Variants in COL16A1 observed in about 807,000 individuals in gnomAD.
The protein encoded by COL16A1 is collagen alpha-1(XVI) chain.
In COL16A1, 189 loss-of-function variants were observed where a neutral mutation model predicts 266.3. The ratio of observed to expected loss-of-function variants is 0.71; its 90% CI spans 0.63 to 0.80. The LOEUF (loss-of-function observed/expected upper bound fraction) is 0.80. Ranked by LOEUF, COL16A1 falls within the 30% of genes least tolerant of loss-of-function variation. The pLI is 0.00. For synonymous variants in COL16A1, 740 were observed against 782.3 expected, an observed-to-expected ratio of 0.95 and a Z score of 0.90; for missense variants, 1,928 against 2,122.4, an observed-to-expected ratio of 0.91 and a Z score of 1.80.
rs1641761840 is a variant in COL16A1 at position 31,662,481 on chromosome 1, CCT to C, written c.3628-96_3628-95del. 5.8e-6 allele frequency: 9 copies of C among 1,559,728 alleles called. No homozygotes were observed. The South Asian group carries it at 5.9e-5, about 10-fold the overall frequency. Reference sequence around the variant, plus strand: ...ACCCCTCAATTCTCTCCACCCCTCCCCTGACTCCCACCTCAGCACACACACAC... The same window carrying C: ...ACCCCTCAATTCTCTCCACCCCTCCCGACTCCCACCTCAGCACACACACAC... On this transcript the variant is annotated intron_variant, in intron 57 of 70. Transcript: ENST00000373672.
In COL16A1 at chr1:31,652,486, A is replaced by G; in HGVS notation, c.*165T>C. 1.2e-6 allele frequency: 1 copy of G among 815,710 alleles called. No homozygotes were observed. Among genetic ancestry groups the G allele is most frequent in the Non-Finnish European group, 1.7e-6 (1 of 582,808 alleles). The allele number at this position is 815,710 out of a possible 1,614,324, so 50.5% of individuals were successfully genotyped here. A position where few individuals can be genotyped will look rare whatever the true frequency, so the allele number is the denominator to read the frequency against. ...TGCAGCACCAGAGGAACCCACTGGA[A>G]GGGAAAGGGCAGATAGTTTTGTTTC... On this transcript the variant is annotated 3_prime_UTR_variant, in exon 71 of 71. Transcript: ENST00000373672. The surrounding 1 kb of genome is among the most constrained non-coding windows in gnomAD (Gnocchi z 4.8).
At chr1:31,667,023 G>A (rs984896026) in intron 52 of COL16A1, among the ~76,000 whole-genome samples, 1 of 152,222 alleles carries the variant, frequency 6.6e-6, no homozygotes, top group African/African-American at 2.4e-5. Context: ...GGAGTTTGCT[G>A]AATCCCACTG....
In COL16A1 at chr1:31,683,695, C is replaced by A; in HGVS notation, c.2379+12G>T. The A allele has an allele frequency of 6.2e-7, 1 of 1,614,014 alleles. No homozygotes were observed. The highest frequency in any genetic ancestry group is 8.5e-7 in the Non-Finnish European group (1 of 1,179,960). Reference sequence around the variant, plus strand: ...GCTGAGAGGACAGGCAAAGGCAGGGCTAGAGACTCACCTGGGGTCCCTGGA... The same window carrying A: ...GCTGAGAGGACAGGCAAAGGCAGGGATAGAGACTCACCTGGGGTCCCTGGA... On this transcript the variant is annotated intron_variant, in intron 34 of 70. Transcript: ENST00000373672.
rs548658735 is a variant in COL16A1 at position 31,690,857 on chromosome 1, T to C, written c.1438-284A>G. 2.6e-5 allele frequency among the ~76,000 whole-genome samples: 4 copies of C among 152,250 alleles called. No individual in the cohort carries two copies. The East Asian group carries it at 7.7e-4, about 29-fold the overall frequency. On this transcript the variant is annotated intron_variant, in intron 20 of 70. Transcript: ENST00000373672. ...ACCCCAGCAGTCACAGACAGAAATT[T>C]CCAGAGCTTTCTGCACATCCAGGCA...
intron 42 of COL16A1, chr1:31,679,423 C>T: frequency 6.4e-7 from 1 of 1,569,072 alleles, no homozygotes; most frequent in Non-Finnish European, 8.6e-7. Context: ...CAGTGCATTG[C>T]TTGAAACAGT....
In COL16A1 at chr1:31,697,607, G is replaced by A. The variant is rs1239144481; in HGVS notation, c.657+299C>T. Among the ~76,000 whole-genome samples, 6 of 152,332 alleles carry A rather than the reference G, an allele frequency of 3.9e-5. No individual in the cohort carries two copies. Among genetic ancestry groups the A allele is most frequent in the African/African-American group, 1.2e-4 (5 of 41,584 alleles). ...AGGCATTCCAGGTGGAGGTAACAGC[G>A]TAGGCAAAGGCACGGCAGTGTGAAA... On this transcript the variant is annotated intron_variant, in intron 6 of 70. Coordinates refer to ENST00000373672, the MANE Select transcript of COL16A1 (RefSeq NM_001856.4). The surrounding 1 kb of genome is among the most constrained non-coding windows in gnomAD (Gnocchi z 4.2).
intron 45 of COL16A1, 37 bp from the exon 46 acceptor site, chr1:31,672,674 GCAGC>G: frequency 6.2e-7 from 1 of 1,606,606 alleles, no homozygotes; most frequent in Non-Finnish European, 8.5e-7. Flanking sequence ...GTCTGATGAG[GCAGC>G]CAGGGAACCC....
rs149666648 is a variant in COL16A1, at chr1:31,668,457, G to A, written c.3250-239C>T. 4.1e-4 allele frequency among the ~76,000 whole-genome samples: 62 copies of A among 152,274 alleles called. No individual in the cohort carries two copies. Among genetic ancestry groups the A allele is most frequent in the East Asian group, 1.9e-3 (10 of 5,174 alleles). ...TGGCCCAGACCCTGAGAGCTGAGCC[G>A]GAGCAGGGAGCCCAGAGCAGGCATG... On this transcript the variant is annotated intron_variant, in intron 50 of 70. Coordinates refer to ENST00000373672, the MANE Select transcript of COL16A1 (RefSeq NM_001856.4). This position sits in a 1 kb window ranked among gnomAD's most constrained non-coding sequence, Gnocchi z 5.8.
At chr1:31,665,993 G>A (rs1168983388) in intron 53 of COL16A1, 44 bp downstream of exon 53, 2 of 1,613,892 alleles carry the variant, frequency 1.2e-6, no homozygotes, top group Non-Finnish European at 1.7e-6. Context: ...TCAGACCCCA[G>A]GACAAGACCA....
intron 56 of COL16A1, 45 bp from the exon 57 acceptor site, chr1:31,662,703 A>G: frequency 7.9e-7 from 1 of 1,267,998 alleles, no homozygotes; most frequent in Non-Finnish European, 1.0e-6. Flanking sequence ...CAATAAAGTC[A>G]GCAGGGCTTT....
In COL16A1 at chr1:31,663,615, GGGACTGAAGAGAGGGACTCTA is replaced by G. The variant is rs1641877174; in HGVS notation, c.3556-978_3556-958del. On this transcript the variant is annotated intron_variant, in intron 56 of 70. Coordinates refer to ENST00000373672, the MANE Select transcript of COL16A1 (RefSeq NM_001856.4). The surrounding 1 kb of genome is among the most constrained non-coding windows in gnomAD (Gnocchi z 4.9). ...GCCTAGAAGCTGGGGGCATGAAGTG[GGGACTGAAGAGAGGGACTCTA>G]GGACCCCCACCGTTGTCTTAGCCAG... 6.6e-6 allele frequency among the ~76,000 whole-genome samples: 1 copy of G among 152,310 alleles called. No individual in the cohort carries two copies. Among genetic ancestry groups the G allele is most frequent in the East Asian group, 1.9e-4 (1 of 5,190 alleles).
At chr1:31,679,872 C>T (rs372299658) in intron 40 of COL16A1, 21 bp from the exon 41 acceptor site, 26 of 1,502,828 alleles carry the variant, frequency 1.7e-5, no homozygotes, top group Middle Eastern at 2.4e-4. Context: ...GTGGGGGTCG[C>T]AAAAGAAGGG....
intron 42 of COL16A1, 46 bp from the exon 43 acceptor site, chr1:31,675,357 C>A (rs1418797639): frequency 1.2e-6 from 2 of 1,601,964 alleles, no homozygotes; most frequent in Non-Finnish European, 1.7e-6. Context: ...ATCTCTCTAG[C>A]CTGCTGGTCA....
chr1:31,696,326 C>T (rs1420776233), intron 8 of COL16A1, among the ~76,000 whole-genome samples, 185 bp from the exon 9 acceptor site: 1 of 138,580 alleles, frequency 7.2e-6, no homozygotes, highest in African/African-American at 2.6e-5. Flanking sequence ...CCCTCCTTCC[C>T]CCCCCACCCA....
chr1:31,685,785 C>T lies in COL16A1; in HGVS notation c.1885-15G>A. The T allele has an allele frequency of 6.2e-7, 1 of 1,613,460 alleles. No individual in the cohort carries two copies. On this transcript the variant is annotated splice_polypyrimidine_tract_variant and intron_variant, in intron 28 of 70. Transcript: ENST00000373672. The surrounding 1 kb of genome is among the most constrained non-coding windows in gnomAD (Gnocchi z 4.0). The stretch of plus-strand genomic sequence containing the variant: ...CAGGGCTCCCCCTGCCAAGCAAGGA[C>T]ATTGAGTTAGGGGGTCCCCCAGGCC...
intron 42 of COL16A1, among the ~76,000 whole-genome samples, chr1:31,677,169 T>C (rs1643261344): frequency 6.6e-6 from 1 of 152,230 alleles, no homozygotes; most frequent in African/African-American, 2.4e-5. Context: ...CATCGAAACC[T>C]CCGCTTCCTG....
At chr1:31,655,752 C>T (rs374586303) in intron 66 of COL16A1, 9 of 589,118 alleles carry the variant, frequency 1.5e-5, no homozygotes, top group African/African-American at 1.5e-4. Flanking sequence ...ATTCGTTGGC[C>T]GGGCATGCAA....
chr1:31,680,837 T>C, intron 39 of COL16A1, 68 bp downstream of exon 39: 24 of 1,612,218 alleles, frequency 1.5e-5, no homozygotes, highest in Non-Finnish European at 2.0e-5. Flanking sequence ...AGAGTACGGG[T>C]CACAGGTGGG....
At chr1:31,677,928 G>A (rs1291263837) in intron 42 of COL16A1, among the ~76,000 whole-genome samples, 2 of 152,180 alleles carry the variant, frequency 1.3e-5, no homozygotes, top group African/African-American at 4.8e-5. Context: ...TTATTAATGG[G>A]TCACTTTGAA....
Sources: allele counts gnomAD v4.1 joint callset (sites outside exome capture counted in the v4.1 genomes callset), GRCh38; gene constraint gnomAD v4.1.1; non-coding constraint Gnocchi (gnomAD v3.1); transcripts MANE v1.5; gene names NCBI Gene and HGNC (gene_info 2026-07-23, HGNC 2026-07-21).